Variants in UBR2 observed in about 807,000 individuals in gnomAD.
UBR2 encodes the protein E3 ubiquitin-protein ligase UBR2.
Under a neutral mutation model 247.9 loss-of-function variants are expected in UBR2, and 92 were observed. The ratio of observed to expected loss-of-function variants is 0.37; its 90% CI spans 0.31 to 0.44. UBR2 has a LOEUF of 0.44. Among genes scored for constraint, UBR2 ranks in the 20% least tolerant of loss-of-function variants. The pLI is 1.00. For synonymous variants in UBR2, 672 were observed against 693.5 expected (o/e 0.97, Z 0.49); for missense variants, 1,613 against 2,112.6 (o/e 0.76, Z 4.64).
chr6:42,598,805 T>C (rs535057979), intron 4 of UBR2, among the ~76,000 whole-genome samples: 7 of 152,364 alleles, frequency 4.6e-5, no homozygotes, highest in Non-Finnish European at 8.8e-5. Context: ...CTGCCTGTAG[T>C]AGCTGTGTGA....
At position 42,635,031 on chromosome 6, in the gene UBR2, TTA is replaced by T. The variant is rs1321024352; in HGVS notation, c.1546-385_1546-384del. 2.0e-5 allele frequency among the ~76,000 whole-genome samples: 3 copies of T among 152,214 alleles called. No individual in the cohort carries two copies. In the East Asian group the frequency reaches 5.8e-4, roughly 29 times the overall value. ...CATATTAGGACATAATATTAAAACTTTATTATAAAATACAGTTATAAATTCAA... is the reference window on the plus strand; with the variant it reads ...CATATTAGGACATAATATTAAAACTTTTATAAAATACAGTTATAAATTCAA... On this transcript the variant is annotated intron_variant, in intron 13 of 46. Transcript: ENST00000372901.
chr6:42,587,497 A>G (rs1325368266), intron 2 of UBR2, among the ~76,000 whole-genome samples: 4 of 151,930 alleles, frequency 2.6e-5, no homozygotes, highest in Non-Finnish European at 5.9e-5. Context: ...AGCTGAGACT[A>G]CAGGTGCATG....
intron 18 of UBR2, 123 bp downstream of exon 18, chr6:42,642,604 C>G: frequency 1.4e-6 from 1 of 714,116 alleles, no homozygotes; most frequent in Non-Finnish European, 2.4e-6. Context: ...CCTGTCTCCT[C>G]AGCTCCAAAC....
At chr6:42,655,414 G>A (rs1296172401) in intron 25 of UBR2, among the ~76,000 whole-genome samples, 1 of 149,110 alleles carries the variant, frequency 6.7e-6, no homozygotes, top group Admixed American at 6.7e-5. Flanking sequence ...GGAGGCAGAG[G>A]TTGCAGTGAG....
At chr6:42,678,463 C>A in intron 40 of UBR2, 76 bp from the exon 41 acceptor site, 1 of 1,477,202 alleles carries the variant, frequency 6.8e-7, no homozygotes, top group South Asian at 1.4e-5. Flanking sequence ...AAATGACAGT[C>A]AAGTCTGTTT....
rs145633441 is a variant in UBR2 at position 42,590,974 on chromosome 6, A to G, written c.339-1177A>G. ...GTGGAATAGAAAAGAGAATTAGGCCAGGTGCGGTGGCCCATGCCTGTAATC... is the reference window on the plus strand; with the variant it reads ...GTGGAATAGAAAAGAGAATTAGGCCGGGTGCGGTGGCCCATGCCTGTAATC... On this transcript the variant is annotated intron_variant, in intron 2 of 46. Coordinates refer to ENST00000372901, the MANE Select transcript of UBR2 (RefSeq NM_001363705.2). Among the ~76,000 whole-genome samples the G allele has an allele frequency of 1.2e-3, 176 of 152,364 alleles. 1 individual carries two copies. The highest frequency in any genetic ancestry group is 4.0e-3 in the African/African-American group (166 of 41,592).
At chr6:42,684,484 T>C (rs1799247061) in intron 43 of UBR2, among the ~76,000 whole-genome samples, 1 of 151,328 alleles carries the variant, frequency 6.6e-6, no homozygotes, top group Non-Finnish European at 1.5e-5. Context: ...CTCGGGAGGC[T>C]GAGGCAGGAG....
At chr6:42,635,241 A>G (rs111639376) in intron 13 of UBR2, among the ~76,000 whole-genome samples, 177 bp from the exon 14 acceptor site, 2,258 of 152,336 alleles carry the variant, frequency 0.015, 44 homozygotes, top group African/African-American at 0.053. Flanking sequence ...AGAATGTTAT[A>G]TAAACACATA....
chr6:42,665,928 T>C (rs980914654), intron 33 of UBR2, among the ~76,000 whole-genome samples: 2 of 152,154 alleles, frequency 1.3e-5, no homozygotes, highest in Non-Finnish European at 2.9e-5. Context: ...TTGGTTTTCA[T>C]AGAAACAGAA....
chr6:42,592,267 C>T (rs761493344), intron 3 of UBR2, 38 bp downstream of exon 3: 1 of 1,360,276 alleles, frequency 7.4e-7, no homozygotes, highest in Non-Finnish European at 9.8e-7. Flanking sequence ...CGCAGTATTG[C>T]ATTTTATAAT....
chr6:42,583,971 A>G (rs1792083192), intron 2 of UBR2, among the ~76,000 whole-genome samples: 1 of 144,916 alleles, frequency 6.9e-6, no homozygotes, highest in African/African-American at 2.5e-5. Flanking sequence ...TTCCAGCATC[A>G]TTTCTTCCTC....
At chr6:42,690,262 A>G (rs1799680171) in intron 46 of UBR2, among the ~76,000 whole-genome samples, 1 of 152,252 alleles carries the variant, frequency 6.6e-6, no homozygotes, top group African/African-American at 2.4e-5. Context: ...AGCCTTAAGT[A>G]GCAGATGTTA....
chr6:42,590,838 T>C (rs552381672), intron 2 of UBR2, among the ~76,000 whole-genome samples: 80 of 152,368 alleles, frequency 5.3e-4, no homozygotes, highest in Middle Eastern at 3.4e-3. Flanking sequence ...ATAAACTTGC[T>C]ATCAAATATC....
rs756833707 is a variant in UBR2 at position 42,644,491 on chromosome 6, A to G, written c.2239A>G (p.Asn747Asp). 6.2e-7 allele frequency: 1 copy of G among 1,611,948 alleles called. No individual in the cohort carries two copies. Among genetic ancestry groups the G allele is most frequent in the East Asian group, 2.2e-5 (1 of 44,842 alleles). The change falls in exon 20 of 47, where the codon AAT (asparagine) becomes GAT (aspartate). Residue 747 changes from asparagine to aspartate, a missense_variant. By Grantham distance (23) the Asn-to-Asp change is conservative (BLOSUM62 1). This residue lies in a region of UBR2 where 1,524 missense variants were observed against 1,967.3 expected (regional missense o/e 0.77). Transcript: ENST00000372901. ...GTTATAGGATGTTGTTCAGCAGAAC[A>G]ATACTCTAATAGAAGAAATGCTATA... ...ITHKDVVQQN[N>D]TLIEEMLYLI...
At position 42,686,126 on chromosome 6, in the gene UBR2, G is replaced by T. The variant is rs1214207333; in HGVS notation, c.4853+1255G>T. ...TGATCATTCTTGGGTGTTTCTCGGA[G>T]GGGGGGATTTGGCAGGGTCATAGGA... On this transcript the variant is annotated intron_variant, in intron 44 of 46. Coordinates refer to ENST00000372901, the MANE Select transcript of UBR2 (RefSeq NM_001363705.2). Among the ~76,000 whole-genome samples the T allele has an allele frequency of 2.0e-5, 3 of 151,890 alleles. No homozygotes were observed. The East Asian group carries it at 5.8e-4, about 29-fold the overall frequency.
chr6:42,671,765 C>T (rs764861656), intron 36 of UBR2, among the ~76,000 whole-genome samples: 3 of 152,172 alleles, frequency 2.0e-5, no homozygotes, highest in Non-Finnish European at 4.4e-5. Context: ...CTCCATCCTG[C>T]AGTTGTCATT....
intron 25 of UBR2, among the ~76,000 whole-genome samples, chr6:42,653,507 C>T (rs1797243260): frequency 6.7e-6 from 1 of 148,840 alleles, no homozygotes; most frequent in South Asian, 2.2e-4. Flanking sequence ...AGCCAAGTTT[C>T]AATGAGGTTC....
intron 33 of UBR2, 123 bp downstream of exon 33, chr6:42,665,635 CCTTGT>C: frequency 1.4e-6 from 1 of 731,330 alleles, no homozygotes; most frequent in South Asian, 2.0e-5. Context: ...TTCTAATTTT[CCTTGT>C]CTTAATAAAC....
At chr6:42,684,919 T>G in intron 44 of UBR2, 48 bp downstream of exon 44, 1 of 1,480,158 alleles carries the variant, frequency 6.8e-7, no homozygotes, top group Admixed American at 1.8e-5. Flanking sequence ...TGGAAACACC[T>G]CTCTACAAAG....
Sources: gnomAD v4.1 joint callset for allele counts (sites outside exome capture counted in the v4.1 genomes callset) on GRCh38, gnomAD v4.1.1 for gene constraint, gnomAD v4.1.1 regional missense constraint, MANE v1.5 for transcripts, NCBI Gene and HGNC (gene_info 2026-07-23, HGNC 2026-07-21) for gene names.